The following ATP10A variants were observed in gnomAD, a reference collection of about 807,000 sequenced individuals.
ATP10A encodes the protein phospholipid-transporting ATPase VA.
Under a neutral mutation model 147.8 loss-of-function variants are expected in ATP10A, and 111 were observed. That is an observed-to-expected ratio of 0.75 (90% CI 0.64 to 0.88). The LOEUF is 0.88. Among genes scored for constraint, ATP10A ranks in the 40% least tolerant of loss-of-function variants. ATP10A has a pLI of 0.00. For synonymous variants in ATP10A, 875 were observed against 841.6 expected (o/e 1.04, Z -0.69); for missense variants, 1,927 against 1,959.0 (o/e 0.98, Z 0.31).
chr15:25,843,977 C>T (rs1892916697), intron 1 of ATP10A, among the ~76,000 whole-genome samples: 2 of 152,126 alleles, frequency 1.3e-5, no homozygotes, highest in South Asian at 4.2e-4. Context: ...CTATCACCCA[C>T]CGCCAAAACT....
intron 16 of ATP10A, among the ~76,000 whole-genome samples, chr15:25,686,175 T>C (rs146722214): frequency 2.6e-5 from 4 of 152,198 alleles, no homozygotes; most frequent in Non-Finnish European, 5.9e-5. Flanking sequence ...ATGCATTTGC[T>C]AGAAGACGCT....
intron 17 of ATP10A, 105 bp downstream of exon 17, chr15:25,683,181 C>T (rs1207161160): frequency 1.4e-5 from 15 of 1,070,262 alleles, no homozygotes; most frequent in Non-Finnish European, 1.9e-5. Context: ...TTCAGTTTGT[C>T]CAGGGTGTCC....
rs1201458470 is a variant in ATP10A at position 25,702,006 on chromosome 15, A to G, written c.2670T>C (p.Gly890=). Residue 890 remains glycine, a synonymous_variant, in exon 13 of 21, where the codon GGT becomes GGC. Coordinates refer to ENST00000555815, the MANE Select transcript of ATP10A (RefSeq NM_024490.4). ...TGTTGACAGCTGTTTCTTGTTTGTC[A>G]CCAGTGAGAACCCAAATCTGCAGGC... The part of the protein sequence containing the change: ...QAGLQIWVLT[G]DKQETAVNIA... 1 of 1,614,172 alleles carries G rather than the reference A, an allele frequency of 6.2e-7. No individual in the cohort carries two copies. The highest frequency in any genetic ancestry group is 1.1e-5 in the South Asian group (1 of 91,080).
intron 1 of ATP10A, among the ~76,000 whole-genome samples, chr15:25,785,709 G>A (rs910691533): frequency 6.6e-5 from 10 of 152,252 alleles, no homozygotes; most frequent in Middle Eastern, 6.8e-3. Context: ...ACTCAACCAC[G>A]CCCTTCTTGA....
At position 25,702,133 on chromosome 15, in the gene ATP10A, G is replaced by A. The variant is rs764365278; in HGVS notation, c.2576-33C>T. On this transcript the variant is annotated intron_variant, in intron 12 of 20. Coordinates refer to ENST00000555815, the MANE Select transcript of ATP10A (RefSeq NM_024490.4). ...AATGCACAGCAGTGTGAGCGAACCC[G>A]CTTCTCACGTGCCCCCCAATCCTTC... The A allele has an allele frequency of 7.6e-6, 12 of 1,578,860 alleles. No homozygotes were observed. In the Admixed American group the frequency reaches 1.1e-4, roughly 14 times the overall value.
At chr15:25,723,271 C>G (rs565895964) in intron 6 of ATP10A, among the ~76,000 whole-genome samples, 2 of 151,858 alleles carry the variant, frequency 1.3e-5, no homozygotes, top group African/African-American at 4.8e-5. Flanking sequence ...TTGCTTGAAC[C>G]CAGGAAGTGG....
intron 13 of ATP10A, among the ~76,000 whole-genome samples, chr15:25,699,740 C>T (rs1381640983): frequency 6.6e-6 from 1 of 152,072 alleles, no homozygotes; most frequent in Non-Finnish European, 1.5e-5. Context: ...TGCTTGTGCG[C>T]TCCTGTGGTC....
intron 1 of ATP10A, 182 bp downstream of exon 1, chr15:25,862,464 CAG>C: frequency 1.3e-6 from 1 of 746,416 alleles, no homozygotes; most frequent in Non-Finnish European, 2.2e-6. Flanking sequence ...GGCGGAGGCA[CAG>C]AGAGGCCTTG....
chr15:25,859,545 C>A (rs892062015), intron 1 of ATP10A, among the ~76,000 whole-genome samples: 4 of 152,040 alleles, frequency 2.6e-5, no homozygotes, highest in Non-Finnish European at 5.9e-5. Flanking sequence ...GGTGGCCCTT[C>A]CCCCCTGCAG....
intron 1 of ATP10A, among the ~76,000 whole-genome samples, chr15:25,833,622 C>T (rs1892462511): frequency 6.6e-6 from 1 of 152,168 alleles, no homozygotes; most frequent in South Asian, 2.1e-4. Flanking sequence ...TTTTTTCTTC[C>T]TCTCAGTTCC....
rs549357062 is a variant in ATP10A, at chr15:25,691,706, G to A, written c.3165+9C>T. Reference sequence around the variant, plus strand: ...ATTGGTCACACAGAATAGCCTGATTGGTCTTTACCTGCATACCCTCCTGGC... The same window carrying A: ...ATTGGTCACACAGAATAGCCTGATTAGTCTTTACCTGCATACCCTCCTGGC... On this transcript the variant is annotated intron_variant, in intron 15 of 20. Transcript: ENST00000555815. 6.2e-7 allele frequency: 1 copy of A among 1,614,044 alleles called. No individual in the cohort carries two copies. The highest frequency in any genetic ancestry group is 1.1e-5 in the South Asian group (1 of 91,080).
intron 1 of ATP10A, among the ~76,000 whole-genome samples, chr15:25,808,348 T>C (rs140606036): frequency 6.6e-6 from 1 of 152,306 alleles, no homozygotes; most frequent in East Asian, 1.9e-4. Context: ...CATAGAAACA[T>C]GCTCCAGTTT....
At chr15:25,700,442 T>C (rs1291873878) in intron 13 of ATP10A, among the ~76,000 whole-genome samples, 1 of 152,248 alleles carries the variant, frequency 6.6e-6, no homozygotes, top group Non-Finnish European at 1.5e-5. Context: ...AAAATGTTCT[T>C]CACTGATTGA....
At chr15:25,675,671 G>A (rs115921496), downstream of ATP10A, among the ~76,000 whole-genome samples, 115 of 152,248 alleles carry the variant, frequency 7.6e-4, no homozygotes, top group African/African-American at 2.6e-3. Context: ...AAGGTCAGGC[G>A]GCGCTGGCTT....
In ATP10A at chr15:25,713,843, C is replaced by G; in HGVS notation, c.2175G>C (p.Glu725Asp). 6.2e-7 allele frequency: 1 copy of G among 1,613,998 alleles called. No individual in the cohort carries two copies. Among genetic ancestry groups the G allele is most frequent in the Non-Finnish European group, 8.5e-7 (1 of 1,180,046 alleles). The change falls in exon 10 of 21, where the codon GAG becomes GAC. Residue 725 changes from glutamate (E) to aspartate (D), a missense_variant. Physicochemically the swap from Glu to Asp is conservative, Grantham distance 45 (BLOSUM62 2). Transcript: ENST00000555815. ...VERLHDQVSV[E>D]LPHLGRLTFE... Reference sequence around the variant, plus strand: ...AGGTGAGCCTGCCCAGGTGGGGCAGCTCCACTGACACTTGGTCGTGCAGCC... The same window carrying G: ...AGGTGAGCCTGCCCAGGTGGGGCAGGTCCACTGACACTTGGTCGTGCAGCC...
chr15:25,718,483 C>A, intron 7 of ATP10A, 84 bp from the exon 8 acceptor site: 2 of 1,418,222 alleles, frequency 1.4e-6, no homozygotes, highest in Non-Finnish European at 9.5e-7. Flanking sequence ...TTTTAGGTTC[C>A]GCGAGGCTTC....
At chr15:25,734,381 A>T (rs1887143489) in intron 3 of ATP10A, among the ~76,000 whole-genome samples, 2 of 152,162 alleles carry the variant, frequency 1.3e-5, no homozygotes, top group Non-Finnish European at 2.9e-5. Flanking sequence ...GGCACCGTAA[A>T]ATTATTCCAG....
At chr15:25,808,717 A>ACTCAGGTATTTTTACCC (rs1395753418) in intron 1 of ATP10A, among the ~76,000 whole-genome samples, 22 of 152,086 alleles carry the variant, frequency 1.4e-4, no homozygotes, top group Admixed American at 3.9e-4. Context: ...CTGATTCCCA[A>ACTCAGGTATTTTTACCC]CTCAGGTATT....
At chr15:25,777,218 G>A (rs957334977) in intron 2 of ATP10A, among the ~76,000 whole-genome samples, 19 of 151,872 alleles carry the variant, frequency 1.3e-4, no homozygotes, top group African/African-American at 4.4e-4. Flanking sequence ...ACATATTCCT[G>A]CAGGCAACAT....
Sources: gnomAD v4.1 joint callset for allele counts (sites outside exome capture counted in the v4.1 genomes callset) on GRCh38, gnomAD v4.1.1 for gene constraint, MANE v1.5 for transcripts, NCBI Gene and HGNC (gene_info 2026-07-23, HGNC 2026-07-21) for gene names.